Variants in GPHN observed in about 807,000 individuals in gnomAD.
GPHN encodes gephyrin.
Under a neutral mutation model 95.5 loss-of-function variants are expected in GPHN, and 17 were observed. The ratio of observed to expected loss-of-function variants is 0.18; its 90% CI spans 0.12 to 0.27. GPHN has a LOEUF of 0.27. Among genes scored for constraint, GPHN ranks in the 10% least tolerant of loss-of-function variants. The probability of loss-of-function intolerance (pLI) is 1.00; values close to 1 mark genes in which losing one functional copy is unlikely to be tolerated. For synonymous variants in GPHN, 320 were observed against 322.5 expected, an observed-to-expected ratio of 0.99 and a Z score of 0.08; for missense variants, 660 against 978.1, an observed-to-expected ratio of 0.67 and a Z score of 4.34.
chr14:66,734,091 T>C (rs1012493735), intron 2 of GPHN, among the ~76,000 whole-genome samples: 3 of 152,182 alleles, frequency 2.0e-5, no homozygotes, highest in Non-Finnish European at 4.4e-5. Context: ...TTTCTAAATA[T>C]CTGTTTCCAT....
At chr14:67,576,259 C>T in the GPHN span, 1 of 623,360 alleles carries the variant, frequency 1.6e-6, no homozygotes, top group Non-Finnish European at 2.8e-6. The surrounding 1 kb of genome is among the most constrained non-coding windows in gnomAD (Gnocchi z 4.0). Context: ...TCAGTCTTTC[C>T]AGGTAGCCCT....
chr14:66,931,288 T>G (rs187295672), intron 8 of GPHN, among the ~76,000 whole-genome samples: 110 of 152,322 alleles, frequency 7.2e-4, no homozygotes, highest in Admixed American at 9.1e-4. Context: ...TTCTTTATCC[T>G]TGATCTTTGG....
chr14:67,279,891 TA>T, the GPHN span: 1 of 213,364 alleles, frequency 4.7e-6, no homozygotes, highest in African/African-American at 2.3e-5. Context: ...CTGATTTCCT[TA>T]AAGTTTTGTA....
chr14:67,678,403 A>G, the GPHN span: 2 of 1,613,606 alleles, frequency 1.2e-6, no homozygotes, highest in Non-Finnish European at 1.7e-6. Context: ...TTGGGCAGAG[A>G]CCCATGCCAC....
At chr14:66,795,561 G>A (rs915107925) in intron 3 of GPHN, among the ~76,000 whole-genome samples, 35 of 151,450 alleles carry the variant, frequency 2.3e-4, no homozygotes, top group African/African-American at 6.8e-4. Context: ...TATATTCTTC[G>A]AATGTGTTTT....
chr14:67,600,310 C>T, the GPHN span: 1 of 930,026 alleles, frequency 1.1e-6, no homozygotes, highest in Non-Finnish European at 1.5e-6. Flanking sequence ...TCACCACGCC[C>T]CGCCCTAAGC....
At chr14:66,833,110 C>T (rs1355840160) in intron 4 of GPHN, among the ~76,000 whole-genome samples, 1 of 152,102 alleles carries the variant, frequency 6.6e-6, no homozygotes, top group Non-Finnish European at 1.5e-5. Context: ...GTTCTCACAT[C>T]GCTAATAAAG....
At chr14:66,894,541 A>C (rs377153022) in intron 5 of GPHN, among the ~76,000 whole-genome samples, 93 of 152,158 alleles carry the variant, frequency 6.1e-4, no homozygotes, top group African/African-American at 2.1e-3. Context: ...AGCTTCTGCA[A>C]AGCAAAAGAA....
At chr14:66,518,062 G>T (rs2058322050) in intron 1 of GPHN, among the ~76,000 whole-genome samples, 1 of 149,428 alleles carries the variant, frequency 6.7e-6, no homozygotes, top group Admixed American at 6.7e-5. Flanking sequence ...TTAATATCTA[G>T]GATATACAAG....
chr14:66,514,922 A>T (rs556395824), intron 1 of GPHN, among the ~76,000 whole-genome samples: 1 of 152,218 alleles, frequency 6.6e-6, no homozygotes, highest in Non-Finnish European at 1.5e-5. Flanking sequence ...TTGGAGTCAG[A>T]TAGACTTGGA....
chr14:67,496,891 G>A, the GPHN span, among the ~76,000 whole-genome samples: 8 of 151,782 alleles, frequency 5.3e-5, no homozygotes, highest in Non-Finnish European at 1.0e-4. Flanking sequence ...TCTGCCTCCC[G>A]GGTTCAAGTG....
the GPHN span, among the ~76,000 whole-genome samples, chr14:67,254,873 G>A: frequency 5.9e-5 from 9 of 152,122 alleles, no homozygotes; most frequent in Non-Finnish European, 1.0e-4. Context: ...ATCTCTGGCC[G>A]GGCGCAGTGG....
At chr14:67,301,768 C>T in the GPHN span, among the ~76,000 whole-genome samples, 4 of 151,912 alleles carry the variant, frequency 2.6e-5, no homozygotes, top group Non-Finnish European at 5.9e-5. Flanking sequence ...TGTTATCTTC[C>T]GAAGTTTAGT....
chr14:67,483,897 C>T, the GPHN span, among the ~76,000 whole-genome samples: 11 of 152,296 alleles, frequency 7.2e-5, no homozygotes, highest in African/African-American at 1.9e-4. Context: ...CCAAGCAAAC[C>T]GCAGCAGGAG....
intron 2 of GPHN, among the ~76,000 whole-genome samples, chr14:66,703,390 A>G (rs1220450848): frequency 6.6e-6 from 1 of 152,182 alleles, no homozygotes; most frequent in Non-Finnish European, 1.5e-5. Context: ...AAGGACAGCC[A>G]GAGAGAAAGG....
chr14:67,010,650 A>G (rs1018767944), intron 9 of GPHN, among the ~76,000 whole-genome samples: 1 of 152,162 alleles, frequency 6.6e-6, no homozygotes, highest in Non-Finnish European at 1.5e-5. Flanking sequence ...AATTTTTTAA[A>G]ATTTTTCCAA....
At chr14:67,359,694 G>A in the GPHN span, 2 of 1,613,958 alleles carry the variant, frequency 1.2e-6, no homozygotes, top group Non-Finnish European at 1.7e-6. Flanking sequence ...GTCTTTGCCC[G>A]ACATTCTGAC....
intron 5 of GPHN, among the ~76,000 whole-genome samples, chr14:66,888,630 A>G (rs2064319815): frequency 6.6e-6 from 1 of 152,180 alleles, no homozygotes; most frequent in South Asian, 2.1e-4. Flanking sequence ...ATTTCACTAA[A>G]AAAAATTAAG....
chr14:67,591,808 T>TTG, the GPHN span: 1 of 151,200 alleles, frequency 6.6e-6, no homozygotes, highest in Non-Finnish European at 1.5e-5. Flanking sequence ...GTGTTGGGAT[T>TTG]ACAGGCATGA....
Sources: allele counts gnomAD v4.1 joint callset (sites outside exome capture counted in the v4.1 genomes callset), GRCh38; gene constraint gnomAD v4.1.1; non-coding constraint Gnocchi (gnomAD v3.1); transcripts MANE v1.5; gene names NCBI Gene and HGNC (gene_info 2026-07-23, HGNC 2026-07-21).